Variants in GPAT3 observed in about 807,000 individuals in gnomAD.
GPAT3 encodes the protein glycerol-3-phosphate acyltransferase 3.
In GPAT3, 53 loss-of-function variants were observed where a neutral mutation model predicts 58.8. The observed-to-expected ratio is 0.90, with a 90% CI of 0.72 to 1.13. The LOEUF (loss-of-function observed/expected upper bound fraction) is 1.13. Among genes scored for constraint, GPAT3 ranks in the 50% most tolerant of loss-of-function variants. The pLI, the probability that GPAT3 is intolerant of heterozygous loss-of-function variation, is 0.00. For synonymous variants in GPAT3, 197 were observed against 187.4 expected (o/e 1.05, Z -0.42); for missense variants, 511 against 527.6 (o/e 0.97, Z 0.31).
At chr4:83,539,242 C>T (rs1382439048) in intron 1 of GPAT3, among the ~76,000 whole-genome samples, 2 of 152,182 alleles carry the variant, frequency 1.3e-5, no homozygotes, top group Non-Finnish European at 2.9e-5. Flanking sequence ...GGCCAAATAC[C>T]CTGCCTTTCT....
chr4:83,555,982 T>C (rs1161629132), intron 2 of GPAT3, among the ~76,000 whole-genome samples: 1 of 152,196 alleles, frequency 6.6e-6, no homozygotes, highest in Non-Finnish European at 1.5e-5. Flanking sequence ...TTTTTTCTTA[T>C]TATATAGTCA....
In GPAT3 at chr4:83,594,901, T is replaced by C. The variant is rs745820238; in HGVS notation, c.795T>C (p.Ala265=). 6.8e-5 allele frequency: 109 copies of C among 1,613,886 alleles called. No homozygotes were observed. Among genetic ancestry groups the C allele is most frequent in the Non-Finnish European group, 9.1e-5 (107 of 1,179,914 alleles). The change falls in exon 7 of 12, where the codon GCT becomes GCC. Residue 265 remains alanine, a synonymous_variant. Coordinates refer to ENST00000264409, the MANE Select transcript of GPAT3 (RefSeq NM_032717.5). ...MGIIQRAMVK[A]CPHVWFERSE... is the part of the protein sequence containing the mutation. ...TTATTCAGAGAGCTATGGTCAAGGC[T>C]TGTCCTCATGTCTGGTTTGAACGCT...
In GPAT3 at chr4:83,540,898, C is replaced by T. The variant is rs540610240; in HGVS notation, c.142-3638C>T. ...AGAGATGGGGTTTCACTATGTTGGTCAGGCTGGTCTCCGACTCTTGTCCTC... is the reference window on the plus strand; with the variant it reads ...AGAGATGGGGTTTCACTATGTTGGTTAGGCTGGTCTCCGACTCTTGTCCTC... On this transcript the variant is annotated intron_variant, in intron 1 of 11. Coordinates refer to ENST00000264409, the MANE Select transcript of GPAT3 (RefSeq NM_032717.5). Among the ~76,000 whole-genome samples, 3 of 152,164 alleles carry T rather than the reference C, an allele frequency of 2.0e-5. No homozygotes were observed. In the South Asian group the frequency reaches 6.2e-4, roughly 32 times the overall value.
At chr4:83,575,948 C>T (rs762946366) in intron 2 of GPAT3, among the ~76,000 whole-genome samples, 21 of 152,224 alleles carry the variant, frequency 1.4e-4, no homozygotes, top group Non-Finnish European at 2.5e-4. Flanking sequence ...TGATCCCTTA[C>T]CCTGCTACTC....
intron 1 of GPAT3, among the ~76,000 whole-genome samples, chr4:83,540,204 T>A (rs926518952): frequency 1.3e-5 from 2 of 151,986 alleles, no homozygotes; most frequent in African/African-American, 4.8e-5. Context: ...CCATTTCTTT[T>A]TGGTGAATTT....
intron 11 of GPAT3, among the ~76,000 whole-genome samples, chr4:83,602,366 T>A (rs1388863517): frequency 6.6e-6 from 1 of 152,194 alleles, no homozygotes; most frequent in African/African-American, 2.4e-5. Flanking sequence ...CATATGCAAT[T>A]GTATAATAAA....
intron 2 of GPAT3, among the ~76,000 whole-genome samples, chr4:83,553,217 T>A (rs1724818779): frequency 6.6e-6 from 1 of 152,132 alleles, no homozygotes; most frequent in African/African-American, 2.4e-5. Context: ...AAAGGTCAGA[T>A]CAGAGTTATG....
chr4:83,584,291 A>T (rs1205951530), intron 3 of GPAT3, among the ~76,000 whole-genome samples: 2 of 152,356 alleles, frequency 1.3e-5, no homozygotes, highest in Admixed American at 6.5e-5. Context: ...GCTAAGATCA[A>T]GTGCAGTGAT....
At chr4:83,579,060 T>TTC (rs1725981949) in intron 2 of GPAT3, among the ~76,000 whole-genome samples, 1 of 45,198 alleles carries the variant, frequency 2.2e-5, no homozygotes, top group Non-Finnish European at 4.5e-5. Context: ...CTTTCTTTCT[T>TTC]TCTTTCTTTC....
chr4:83,604,830 TTTGTTTTGTTTTA>T lies in GPAT3; in HGVS notation c.*76_*88del, dbSNP rs1253102638. The T allele has an allele frequency of 1.8e-5, 23 of 1,265,376 alleles. No homozygotes were observed. The African/African-American group carries it at 2.6e-4, about 14-fold the overall frequency. The allele number at this position is 1,265,376 out of a possible 1,614,324, so 78.4% of individuals were successfully genotyped here. A position where few individuals can be genotyped will look rare whatever the true frequency, so the allele number is the denominator to read the frequency against. Reference sequence around the variant, plus strand: ...TTAGAAATGGAATGGCTTTTTTTGTTTTGTTTTGTTTTATTGTTTTGTTTTTATTATTGTTAAT... The same window carrying T: ...TTAGAAATGGAATGGCTTTTTTTGTTTTGTTTTGTTTTTATTATTGTTAAT... On this transcript the variant is annotated 3_prime_UTR_variant, in exon 12 of 12. Transcript: ENST00000264409.
At position 83,536,762 on chromosome 4, in the gene GPAT3, A is replaced by T; in HGVS notation, c.140A>T (p.Glu47Val). The part of the protein sequence containing the change: ...IYMKILVKTL[E>V]WATIRIEKGT... Reference sequence around the variant, plus strand: ...ATGAAGATCCTAGTGAAAACTTTAGAGGTGAGTGCCGGGAGGGATGCAGCC... The same window carrying T: ...ATGAAGATCCTAGTGAAAACTTTAGTGGTGAGTGCCGGGAGGGATGCAGCC... Residue 47 changes from glutamate to valine, a missense_variant and splice_region_variant, in exon 1 of 12, where the codon GAG becomes GTG. By Grantham distance (121) the Glu-to-Val change is moderately radical. Transcript: ENST00000264409. The T allele has an allele frequency of 6.2e-7, 1 of 1,609,068 alleles. No individual in the cohort carries two copies. Among genetic ancestry groups the T allele is most frequent in the South Asian group, 1.1e-5 (1 of 90,716 alleles).
intron 7 of GPAT3, 57 bp from the exon 8 acceptor site, chr4:83,596,801 A>G: frequency 7.3e-7 from 1 of 1,362,290 alleles, no homozygotes; most frequent in Non-Finnish European, 1.0e-6. Flanking sequence ...AATATCAAAA[A>G]GGACATCCAC....
Position 83,585,463 on chromosome 4 carries a change from C to CT in GPAT3, c.480-1784dup, listed in dbSNP as rs576783007. Among the ~76,000 whole-genome samples the CT allele has an allele frequency of 2.6e-3, 387 of 151,210 alleles. 3 individuals are homozygous for CT. Among genetic ancestry groups the CT allele is most frequent in the African/African-American group, 9.0e-3 (373 of 41,238 alleles). On this transcript the variant is annotated intron_variant, in intron 3 of 11. Transcript: ENST00000264409. ...GTATTTTTAAATAAAAATATTTATA[C>CT]TTTTTTTTACGTTTCCAGATGTTTT... is the stretch of plus-strand genomic sequence containing the variant.
At chr4:83,568,318 G>A (rs1717631) in intron 2 of GPAT3, among the ~76,000 whole-genome samples, 2,596 of 152,140 alleles carry the variant, frequency 0.017, 69 homozygotes, top group African/African-American at 0.06. Flanking sequence ...GAAAACCAAA[G>A]GAGATGCATT....
intron 1 of GPAT3, 126 bp downstream of exon 1, chr4:83,536,889 T>C: frequency 1.2e-6 from 1 of 848,758 alleles, no homozygotes; most frequent in Non-Finnish European, 1.8e-6. Context: ...CGTGCGTGCA[T>C]TTCTGTTCCT....
At chr4:83,539,024 AAG>A (rs1258036509) in intron 1 of GPAT3, among the ~76,000 whole-genome samples, 3 of 152,302 alleles carry the variant, frequency 2.0e-5, no homozygotes, top group African/African-American at 7.2e-5. Context: ...CTCATCAGGA[AAG>A]AGAGCTGTGA....
At chr4:83,581,423 A>G (rs550268762) in intron 2 of GPAT3, 139 bp from the exon 3 acceptor site, 2 of 876,184 alleles carry the variant, frequency 2.3e-6, no homozygotes, top group Admixed American at 2.6e-5. Context: ...TTTGTCTCTT[A>G]CTTCTGAAGA....
Position 83,585,534 on chromosome 4 carries a change from C to T in GPAT3, c.480-1721C>T, listed in dbSNP as rs148612883. On this transcript the variant is annotated intron_variant, in intron 3 of 11. Transcript: ENST00000264409. Reference sequence around the variant, plus strand: ...ACAGAATATGCACATTATTCTTAAACACATTGGGCTGCATGTTCAGATGTG... The same window carrying T: ...ACAGAATATGCACATTATTCTTAAATACATTGGGCTGCATGTTCAGATGTG... 1.5e-3 allele frequency among the ~76,000 whole-genome samples: 232 copies of T among 151,780 alleles called. 2 individuals carry two copies. The highest frequency in any genetic ancestry group is 2.9e-3 in the Non-Finnish European group (197 of 67,956).
intron 2 of GPAT3, among the ~76,000 whole-genome samples, chr4:83,554,617 C>T (rs1724881718): frequency 6.6e-6 from 1 of 152,046 alleles, no homozygotes; most frequent in Non-Finnish European, 1.5e-5. Flanking sequence ...CATTGCATGG[C>T]TGGTCAAAGG....
Sources: allele counts gnomAD v4.1 joint callset (sites outside exome capture counted in the v4.1 genomes callset), GRCh38; gene constraint gnomAD v4.1.1; transcripts MANE v1.5; gene names NCBI Gene and HGNC (gene_info 2026-07-23, HGNC 2026-07-21).